CDH23: variants seen among roughly 807,000 people sequenced by gnomAD.
The protein encoded by CDH23 is cadherin-23.
Under a neutral mutation model 317.1 loss-of-function variants are expected in CDH23, and 189 were observed. The observed-to-expected ratio is 0.60, with a 90% CI of 0.53 to 0.67. The LOEUF (loss-of-function observed/expected upper bound fraction) is 0.67. Among genes scored for constraint, CDH23 ranks in the 30% least tolerant of loss-of-function variants. The pLI, the probability that CDH23 is intolerant of heterozygous loss-of-function variation, is 0.00. For missense variants in CDH23, 4,401 were observed against 4,592.4 expected, an observed-to-expected ratio of 0.96 and a Z score of 1.20; for synonymous variants, 1,839 against 1,876.8, an observed-to-expected ratio of 0.98 and a Z score of 0.52.
intron 6 of CDH23, among the ~76,000 whole-genome samples, chr10:71,553,600 G>A (rs1426171027): frequency 1.3e-5 from 2 of 152,244 alleles, no homozygotes; most frequent in Non-Finnish European, 2.9e-5. Context: ...GAGTCCGAGG[G>A]GCAGGGGAGG....
Position 71,793,320 on chromosome 10 carries a change from C to T in CDH23, c.6392C>T (p.Thr2131Ile). The change falls in exon 48 of 70, where the codon ACC (threonine) becomes ATC (isoleucine). Residue 2131 changes from threonine (T) to isoleucine (I), a missense_variant. Physicochemically the swap from Thr to Ile is moderately conservative, Grantham distance 89. Around this residue, in one of 3 missense-constraint regions of CDH23, gnomAD observed 3,068 missense variants for 3,203.3 expected, o/e 0.96. Coordinates refer to ENST00000224721, the MANE Select transcript of CDH23 (RefSeq NM_022124.6). Reference protein sequence around the residue: ...VTGVIRVGNATIDREEQESYR... With the variant: ...VTGVIRVGNAIIDREEQESYR... ...GGGGTCATCCGTGTTGGTAATGCCA[C>T]CATCGACAGAGAGGAGCAGGAGTCC... is the stretch of plus-strand genomic sequence containing the variant. 6.2e-7 allele frequency: 1 copy of T among 1,613,946 alleles called. No individual in the cohort carries two copies. Among genetic ancestry groups the T allele is most frequent in the South Asian group, 1.1e-5 (1 of 91,078 alleles).
chr10:71,688,142 G>A (rs1864983596), intron 19 of CDH23, among the ~76,000 whole-genome samples: 1 of 152,238 alleles, frequency 6.6e-6, no homozygotes, highest in African/African-American at 2.4e-5. Flanking sequence ...ATGTGAGGAT[G>A]CGATTGAGAG....
chr10:71,677,531 C>A lies in CDH23; in HGVS notation c.1590C>A (p.Thr530=). The change falls in exon 16 of 70, where the codon ACC becomes ACA. Residue 530 remains threonine (T), a synonymous_variant. Transcript: ENST00000224721. ...RLDYELIQRF[T]LTIIARDGGG... is the part of the protein sequence containing the mutation. ...ACTATGAGCTCATCCAGCGCTTCAC[C>A]CTGACGATCATTGCCCGGGACGGGG... 1 of 1,612,246 alleles carries A rather than the reference C, an allele frequency of 6.2e-7. No homozygotes were observed. The highest frequency in any genetic ancestry group is 1.1e-5 in the South Asian group (1 of 90,374).
chr10:71,583,222 C>G (rs10999899), intron 9 of CDH23, among the ~76,000 whole-genome samples: 1 of 117,114 alleles, frequency 8.5e-6, no homozygotes, highest in Non-Finnish European at 1.7e-5. Context: ...TCAGCGTGGC[C>G]GGGCAGAGTG....
chr10:71,631,369 G>A (rs1322036962), intron 11 of CDH23, among the ~76,000 whole-genome samples: 5 of 152,294 alleles, frequency 3.3e-5, no homozygotes, highest in Non-Finnish European at 7.4e-5. Context: ...TTCACTTTAG[G>A]GGAGATGAGG....
chr10:71,438,573 AG>A (rs1197618165), intron 1 of CDH23, among the ~76,000 whole-genome samples: 1 of 152,122 alleles, frequency 6.6e-6, no homozygotes, highest in Non-Finnish European at 1.5e-5. Context: ...GGCCTCTCCA[AG>A]TCCAGAATTA....
intron 55 of CDH23, among the ~76,000 whole-genome samples, 166 bp from the exon 56 acceptor site, chr10:71,805,640 C>T (rs1379996875): frequency 1.3e-5 from 2 of 152,160 alleles, no homozygotes; most frequent in Non-Finnish European, 2.9e-5. Flanking sequence ...TAGCAGAAGC[C>T]CAGAATCCAG....
At chr10:71,501,234 A>C (rs887186321) in intron 3 of CDH23, among the ~76,000 whole-genome samples, 1 of 152,316 alleles carries the variant, frequency 6.6e-6, no homozygotes, top group Non-Finnish European at 1.5e-5. Context: ...CATTAGGAGA[A>C]ATAAGTGACA....
intron 9 of CDH23, among the ~76,000 whole-genome samples, chr10:71,584,575 T>TGTGTGTGTGTGC: frequency 6.7e-6 from 1 of 148,840 alleles, no homozygotes; most frequent in Non-Finnish European, 1.5e-5. Context: ...TGTGTGTGTG[T>TGTGTGTGTGTGC]ACGCAGGGAG....
intron 38 of CDH23, chr10:71,761,798 T>C (rs761286923): frequency 1.9e-6 from 3 of 1,614,120 alleles, no homozygotes; most frequent in Non-Finnish European, 2.5e-6. Context: ...GGCAGCCTGG[T>C]GGCCTCCATG....
In CDH23 at chr10:71,751,363, T is replaced by C. The variant is rs1353343526; in HGVS notation, c.4845+9442T>C. On this transcript the variant is annotated intron_variant, in intron 38 of 69. Transcript: ENST00000224721. The surrounding 1 kb of genome is among the most constrained non-coding windows in gnomAD (Gnocchi z 4.9). Reference sequence around the variant, plus strand: ...CCCTCAACCCCACCCCGTGAGGCCGTGGAACTCTTCAGGGAGGTGAATGGG... The same window carrying C: ...CCCTCAACCCCACCCCGTGAGGCCGCGGAACTCTTCAGGGAGGTGAATGGG... 2.1e-6 allele frequency: 3 copies of C among 1,454,320 alleles called. No homozygotes were observed. Among genetic ancestry groups the C allele is most frequent in the Non-Finnish European group, 2.8e-6 (3 of 1,069,266 alleles). 90.1% of individuals were successfully genotyped at this position (1,454,320 alleles called of 1,614,324 possible).
chr10:71,531,444 A>C (rs942473326), intron 6 of CDH23, among the ~76,000 whole-genome samples: 1 of 152,194 alleles, frequency 6.6e-6, no homozygotes, highest in Non-Finnish European at 1.5e-5. Flanking sequence ...CAATTCTAAG[A>C]TGCCCATTTG....
At chr10:71,688,656 CCAGGGGTGGTGGAGT>C (rs1865017781) in intron 19 of CDH23, among the ~76,000 whole-genome samples, 2 of 83,860 alleles carry the variant, frequency 2.4e-5, no homozygotes, top group Non-Finnish European at 2.3e-5. Flanking sequence ...GATGATGGAG[CCAGGGGTGGTGGAGT>C]CAGGGGTGGT....
At chr10:71,675,258 C>T in intron 15 of CDH23, 82 bp downstream of exon 15, 1 of 1,219,624 alleles carries the variant, frequency 8.2e-7, no homozygotes, top group Non-Finnish European at 1.2e-6. Flanking sequence ...GGGAACTTTT[C>T]AGTGCCCAGG....
At position 71,805,499 on chromosome 10, in the gene CDH23, G is replaced by A. The variant is rs118101522; in HGVS notation, c.7873-307G>A. On this transcript the variant is annotated intron_variant, in intron 55 of 69. Transcript: ENST00000224721. ...CAAAACCTCAGCATGCAATGAATGG[G>A]ACTGGAAGGGCGGAGGCAGCTCCTG... 0.019 allele frequency among the ~76,000 whole-genome samples: 2,920 copies of A among 152,298 alleles called. 60 individuals are homozygous for A. The highest frequency in any genetic ancestry group is 0.03 in the Non-Finnish European group (2,041 of 68,012).
intron 27 of CDH23, among the ~76,000 whole-genome samples, chr10:71,710,146 A>T (rs1395358456): frequency 6.6e-6 from 1 of 152,194 alleles, no homozygotes; most frequent in African/African-American, 2.4e-5. Flanking sequence ...GCCAAACCAT[A>T]TCAGTTGGCT....
intron 6 of CDH23, among the ~76,000 whole-genome samples, chr10:71,540,972 G>T (rs1482246115): frequency 6.6e-6 from 1 of 151,864 alleles, no homozygotes; most frequent in African/African-American, 2.4e-5. Flanking sequence ...TCCCACGCAG[G>T]CCCTACCCAA....
chr10:71,486,960 A>C (rs1215847710), intron 3 of CDH23, among the ~76,000 whole-genome samples: 1 of 152,080 alleles, frequency 6.6e-6, no homozygotes, highest in African/African-American at 2.4e-5. Flanking sequence ...CTTCCCACCA[A>C]TCACTCATTG....
rs1865722628 is a variant in CDH23 at position 71,704,946 on chromosome 10, C to T, written c.2769C>T (p.Gly923=). ...VAIDLDEGLN[G]LVSYRMPVGM... is the part of the protein sequence containing the mutation. Reference sequence around the variant, plus strand: ...TCGACCTCGATGAGGGCCTGAACGGCCTGGTGTCCTACCGCATGCCGGTGG... The same window carrying T: ...TCGACCTCGATGAGGGCCTGAACGGTCTGGTGTCCTACCGCATGCCGGTGG... The change falls in exon 25 of 70, where the codon GGC becomes GGT. Residue 923 remains glycine, a synonymous_variant. Transcript: ENST00000224721. 1.9e-6 allele frequency: 3 copies of T among 1,612,958 alleles called. No individual in the cohort carries two copies. The highest frequency in any genetic ancestry group is 1.3e-5 in the African/African-American group (1 of 75,046).
Sources: gnomAD v4.1 joint callset for allele counts (sites outside exome capture counted in the v4.1 genomes callset) on GRCh38, gnomAD v4.1.1 for gene constraint, gnomAD v4.1.1 regional missense constraint, Gnocchi (gnomAD v3.1) non-coding constraint, MANE v1.5 for transcripts, NCBI Gene and HGNC (gene_info 2026-07-23, HGNC 2026-07-21) for gene names.